Variants in CCDC18 observed in about 807,000 individuals in gnomAD.
CCDC18 encodes coiled-coil domain-containing protein 18.
Under a neutral mutation model 196.0 loss-of-function variants are expected in CCDC18, and 157 were observed. The observed-to-expected ratio is 0.80, with a 90% CI of 0.70 to 0.91. The LOEUF (loss-of-function observed/expected upper bound fraction) is 0.91. Ranked by LOEUF, CCDC18 falls within the 40% of genes least tolerant of loss-of-function variation. CCDC18 has a pLI of 0.00. For synonymous variants in CCDC18, 482 were observed against 529.2 expected (o/e 0.91, Z 1.22); for missense variants, 1,465 against 1,611.6 (o/e 0.91, Z 1.56).
chr1:93,191,088 AT>A (rs5776172), intron 4 of CCDC18: 128,717 of 464,914 alleles, frequency 0.28, 10,906 homozygotes, highest in African/African-American at 0.58. Flanking sequence ...CAGCAAGGAG[AT>A]TTTTTTTTTT....
chr1:93,180,427 T>C, upstream of CCDC18: 1 of 1,283,610 alleles, frequency 7.8e-7, no homozygotes, highest in Non-Finnish European at 1.1e-6. Flanking sequence ...GGGTAGGGAC[T>C]CTGGGCGGGG....
At chr1:93,217,244 T>C (rs1310607834) in intron 13 of CCDC18, among the ~76,000 whole-genome samples, 1 of 152,190 alleles carries the variant, frequency 6.6e-6, no homozygotes, top group African/African-American at 2.4e-5. Flanking sequence ...GTTTTCTCAT[T>C]TTTATCCTAA....
intron 21 of CCDC18, among the ~76,000 whole-genome samples, chr1:93,241,793 A>G (rs1660835970): frequency 6.6e-6 from 1 of 152,046 alleles, no homozygotes; most frequent in Non-Finnish European, 1.5e-5. Context: ...GCTTTCTAAA[A>G]CCTTCAGAAT....
intron 23 of CCDC18, among the ~76,000 whole-genome samples, chr1:93,253,593 C>T (rs890564194): frequency 3.9e-5 from 6 of 152,190 alleles, no homozygotes. Context: ...GTGAGTAGCT[C>T]TGAGCTGGGA....
intron 5 of CCDC18, among the ~76,000 whole-genome samples, chr1:93,193,046 A>G (rs1030187936): frequency 2.0e-5 from 3 of 152,088 alleles, no homozygotes; most frequent in African/African-American, 7.2e-5. Context: ...GGTATTTTAT[A>G]TTTTTGGCAA....
At chr1:93,207,425 A>T in intron 9 of CCDC18, 27 bp downstream of exon 9, 1 of 1,496,350 alleles carries the variant, frequency 6.7e-7, no homozygotes, top group Non-Finnish European at 9.0e-7. Flanking sequence ...ACGTAATGGA[A>T]AAGAAGAATT....
chr1:93,200,871 C>A (rs1013489594), intron 6 of CCDC18, among the ~76,000 whole-genome samples: 1 of 152,262 alleles, frequency 6.6e-6, no homozygotes, highest in South Asian at 2.1e-4. Flanking sequence ...AAGCACAATA[C>A]GTGGGAAGGT....
chr1:93,198,606 TA>T (rs1252444297), intron 6 of CCDC18, among the ~76,000 whole-genome samples: 47 of 152,282 alleles, frequency 3.1e-4, no homozygotes, highest in African/African-American at 1.1e-3. Flanking sequence ...TAAAATCAAA[TA>T]AGAAAAACTA....
chr1:93,194,679 TTAAA>T lies in CCDC18; in HGVS notation c.698+938_698+941del, dbSNP rs371229053. ...TTTAACTATTTTATAAACTTTGTGG[TTAAA>T]TACTCTAGAATTCACACTTCACTTA... On this transcript the variant is annotated intron_variant, in intron 6 of 28. Transcript: ENST00000690025. Among the ~76,000 whole-genome samples, 240 of 152,336 alleles carry T rather than the reference TTAAA, an allele frequency of 1.6e-3. 1 individual carries two copies. The highest frequency in any genetic ancestry group is 5.4e-3 in the African/African-American group (226 of 41,568).
At chr1:93,187,535 G>T (rs923447955) in intron 4 of CCDC18, among the ~76,000 whole-genome samples, 1 of 152,052 alleles carries the variant, frequency 6.6e-6, no homozygotes, top group Admixed American at 6.5e-5. Context: ...AGACTGGAAG[G>T]TTGGAGTGAG....
intron 18 of CCDC18, among the ~76,000 whole-genome samples, chr1:93,235,923 C>A (rs990315449): frequency 6.6e-6 from 1 of 151,792 alleles, no homozygotes; most frequent in African/African-American, 2.4e-5. Flanking sequence ...TGAGCCAATT[C>A]GTGAAGAAAA....
chr1:93,276,151 C>A (rs1203686712), intron 28 of CCDC18, among the ~76,000 whole-genome samples: 1 of 152,182 alleles, frequency 6.6e-6, no homozygotes, highest in East Asian at 1.9e-4. Flanking sequence ...TCCACTGGTA[C>A]AATGAAAAGA....
chr1:93,210,810 A>G lies in CCDC18; in HGVS notation c.1218A>G (p.Arg406=), dbSNP rs1420575667. ...EKIISQLPLK[R]ELFGFKSYLS... is the part of the protein sequence containing the mutation. ...TGTTTTTAAACTTGCAGTTAAAAAG[A>G]GAATTATTTGGCTTTAAATCATATC... is the stretch of plus-strand genomic sequence containing the variant. Residue 406 remains arginine (R), a synonymous_variant, in exon 10 of 29, where the codon AGA becomes AGG. Transcript: ENST00000690025. 1 of 1,592,842 alleles carries G rather than the reference A, an allele frequency of 6.3e-7. No individual in the cohort carries two copies. The highest frequency in any genetic ancestry group is 1.3e-5 in the African/African-American group (1 of 74,662).
chr1:93,195,984 T>G (rs1652656205), intron 6 of CCDC18, among the ~76,000 whole-genome samples: 1 of 152,172 alleles, frequency 6.6e-6, no homozygotes, highest in Non-Finnish European at 1.5e-5. Flanking sequence ...ATTGTTTAGC[T>G]TTATGCTGTT....
chr1:93,194,867 T>TTTG (rs955537306), intron 6 of CCDC18, among the ~76,000 whole-genome samples: 18 of 151,966 alleles, frequency 1.2e-4, no homozygotes, highest in East Asian at 3.9e-4. Context: ...GAGTATTGAC[T>TTTG]TTGTTGTTGT....
At chr1:93,260,219 A>C (rs1348263871) in intron 26 of CCDC18, among the ~76,000 whole-genome samples, 2 of 152,280 alleles carry the variant, frequency 1.3e-5, no homozygotes, top group East Asian at 3.9e-4. Context: ...CCCCGTCTCT[A>C]CTAAAAATAC....
intron 1 of CCDC18, among the ~76,000 whole-genome samples, chr1:93,182,384 C>T (rs1341001294): frequency 1.3e-5 from 2 of 152,124 alleles, no homozygotes; most frequent in Non-Finnish European, 2.9e-5. Context: ...AAGTACATTG[C>T]GGTCCTGAAC....
At chr1:93,207,810 C>T (rs965637067) in intron 9 of CCDC18, among the ~76,000 whole-genome samples, 5 of 152,168 alleles carry the variant, frequency 3.3e-5, no homozygotes, top group Admixed American at 2.0e-4. Context: ...CTCACTTCTA[C>T]CCCTAGGAAG....
Position 93,207,218 on chromosome 1 carries a change from A to G in CCDC18, c.1029A>G (p.Leu343=). 6.2e-7 allele frequency: 1 copy of G among 1,613,088 alleles called. No individual in the cohort carries two copies. Among genetic ancestry groups the G allele is most frequent in the Non-Finnish European group, 8.5e-7 (1 of 1,179,158 alleles). ...AATCTAGACAAAGTATTTTGAAGCT[A>G]GAGAGTGAGTTAGAGAACAAAGACG... ...LTESRQSILK[L]ESELENKDEI... Residue 343 remains leucine, a synonymous_variant, in exon 9 of 29, where the codon CTA becomes CTG. Transcript: ENST00000690025.
Sources: gnomAD v4.1 joint callset for allele counts (sites outside exome capture counted in the v4.1 genomes callset) on GRCh38, gnomAD v4.1.1 for gene constraint, MANE v1.5 for transcripts, NCBI Gene and HGNC (gene_info 2026-07-23, HGNC 2026-07-21) for gene names.